Variants in BMPER observed in about 807,000 individuals in gnomAD.
The protein encoded by BMPER is BMP binding endothelial regulator.
A neutral mutation model predicts 87.3 loss-of-function variants in BMPER; 45 were observed. That is an observed-to-expected ratio of 0.52 (90% CI 0.41 to 0.66). BMPER has a LOEUF of 0.66. Among genes scored for constraint, BMPER ranks in the 30% least tolerant of loss-of-function variants. The pLI, the probability that BMPER is intolerant of heterozygous loss-of-function variation, is 0.00. For missense variants in BMPER, 784 were observed against 867.5 expected (o/e 0.90, Z 1.21); for synonymous variants, 326 against 316.2 (o/e 1.03, Z -0.33).
chr7:34,077,520 T>C (rs936959373), intron 11 of BMPER, among the ~76,000 whole-genome samples: 3 of 152,216 alleles, frequency 2.0e-5, no homozygotes, highest in African/African-American at 7.2e-5. Context: ...TCATTGAAAT[T>C]CTCATAAATG....
At chr7:33,951,675 C>T (rs1271234947) in intron 3 of BMPER, among the ~76,000 whole-genome samples, 1 of 152,034 alleles carries the variant, frequency 6.6e-6, no homozygotes, top group African/African-American at 2.4e-5. Flanking sequence ...ACTGGCTGCC[C>T]CCTGAATATA....
intron 6 of BMPER, among the ~76,000 whole-genome samples, chr7:33,982,500 GAAA>G (rs758951071): frequency 2.2e-5 from 3 of 134,648 alleles, no homozygotes; most frequent in African/African-American, 8.1e-5. Flanking sequence ...ACAGTCAATT[GAAA>G]AAAAAAAAAA....
intron 6 of BMPER, among the ~76,000 whole-genome samples, chr7:33,976,851 G>A (rs1222277518): frequency 6.6e-6 from 1 of 152,292 alleles, no homozygotes; most frequent in African/African-American, 2.4e-5. Context: ...TGTACTGCAG[G>A]CATTCTGATT....
At chr7:34,018,339 A>G (rs1787090494) in intron 6 of BMPER, among the ~76,000 whole-genome samples, 1 of 151,914 alleles carries the variant, frequency 6.6e-6, no homozygotes, top group South Asian at 2.1e-4. Context: ...CCTAAAGTAT[A>G]AAGAGAAGTT....
At chr7:34,112,803 T>C (rs1461226343) in intron 13 of BMPER, among the ~76,000 whole-genome samples, 2 of 151,990 alleles carry the variant, frequency 1.3e-5, no homozygotes, top group Admixed American at 1.3e-4. Flanking sequence ...CACCGAAGTT[T>C]TCATTGCTTT....
chr7:33,920,668 T>A, intron 2 of BMPER, among the ~76,000 whole-genome samples: 1 of 151,872 alleles, frequency 6.6e-6, no homozygotes, highest in Non-Finnish European at 1.5e-5. Context: ...TTGTGATCTG[T>A]CCACCTTGGC....
chr7:34,079,011 G>C lies in BMPER; in HGVS notation c.1233G>C (p.Arg411=), dbSNP rs1002676942. 7 of 1,614,094 alleles carry C rather than the reference G, an allele frequency of 4.3e-6. No homozygotes were observed. Among genetic ancestry groups the C allele is most frequent in the African/African-American group, 2.7e-5 (2 of 74,934 alleles). Residue 411 remains arginine (R), a synonymous_variant, in exon 12 of 15, where the codon CGG becomes CGC. Transcript: ENST00000649409. ...FQVLVKNDAR[R]TRSFSWTKSV... ...TGCTGGTGAAGAACGACGCCCGCCGGACACGCTCCTTCTCGTGGACCAAGT... is the reference window on the plus strand; with the variant it reads ...TGCTGGTGAAGAACGACGCCCGCCGCACACGCTCCTTCTCGTGGACCAAGT...
intron 12 of BMPER, among the ~76,000 whole-genome samples, chr7:34,080,252 G>A (rs750651129): frequency 1.3e-5 from 2 of 152,134 alleles, no homozygotes; most frequent in Non-Finnish European, 2.9e-5. Flanking sequence ...CTTTTCAGGG[G>A]CTATAGAGAC....
At position 33,909,087 on chromosome 7, in the gene BMPER, A is replaced by T. The variant is rs184728802; in HGVS notation, c.219+2184A>T. Among the ~76,000 whole-genome samples the T allele has an allele frequency of 1.2e-4, 19 of 152,322 alleles. No homozygotes were observed. In the East Asian group the frequency reaches 3.3e-3, roughly 26 times the overall value. ...ATAGCAATGGTAAACATTTATGTGT[A>T]CTATTTTTATTTTATTTTATTTTTG... On this transcript the variant is annotated intron_variant, in intron 2 of 14. Transcript: ENST00000649409.
chr7:34,085,974 C>G lies in BMPER; in HGVS notation c.1627C>G (p.Pro543Ala). Residue 543 changes from proline to alanine, a missense_variant, in exon 13 of 15, where the codon CCT (proline) becomes GCT (alanine). By Grantham distance (27) the Pro-to-Ala change is conservative. Coordinates refer to ENST00000649409, the MANE Select transcript of BMPER (RefSeq NM_001365308.1). ...FCNRPQRKPV[P>A]ELCQGTVKVK... ...CAACAGACCTCAGAGAAAGCCAGTG[C>G]CTGAACTGTGTCAAGGGACAGTCAA... 6.2e-7 allele frequency: 1 copy of G among 1,614,104 alleles called. No homozygotes were observed. The highest frequency in any genetic ancestry group is 1.1e-5 in the South Asian group (1 of 91,080).
At chr7:34,052,431 T>C (rs1788170848) in intron 8 of BMPER, among the ~76,000 whole-genome samples, 1 of 152,218 alleles carries the variant, frequency 6.6e-6, no homozygotes, top group African/African-American at 2.4e-5. Context: ...TCATGTCTTA[T>C]TTGAAGCTTT....
intron 11 of BMPER, among the ~76,000 whole-genome samples, chr7:34,074,637 C>T (rs2127971854): frequency 6.6e-6 from 1 of 152,258 alleles, no homozygotes; most frequent in Admixed American, 6.5e-5. Context: ...TGTTGGGCTT[C>T]CTCATGGTTA....
At chr7:34,089,158 T>G (rs1789304868) in intron 13 of BMPER, among the ~76,000 whole-genome samples, 1 of 152,128 alleles carries the variant, frequency 6.6e-6, no homozygotes, top group African/African-American at 2.4e-5. Flanking sequence ...TTTTGAGCCC[T>G]TACAAGACTC....
chr7:33,940,975 T>TTA (rs1325493208), intron 3 of BMPER, among the ~76,000 whole-genome samples: 1 of 135,438 alleles, frequency 7.4e-6, no homozygotes, highest in Non-Finnish European at 1.5e-5. Flanking sequence ...ATAATATAAT[T>TTA]TATATATATT....
intron 13 of BMPER, among the ~76,000 whole-genome samples, chr7:34,129,618 G>GAGAGAA (rs1790511499): frequency 2.5e-4 from 13 of 52,436 alleles, no homozygotes; most frequent in African/African-American, 1.0e-3. Context: ...GAAAGAGAGA[G>GAGAGAA]AGAGAGAAAG....
chr7:34,124,781 G>A (rs1411685977), intron 13 of BMPER, among the ~76,000 whole-genome samples: 1 of 151,592 alleles, frequency 6.6e-6, no homozygotes, highest in Non-Finnish European at 1.5e-5. Flanking sequence ...GAACAATTTT[G>A]GCTCTCTAAA....
At chr7:33,905,362 A>C, upstream of BMPER, 1 of 394,534 alleles carries the variant, frequency 2.5e-6, no homozygotes. Context: ...CCCTCAGGAA[A>C]AAAAAAAAAA....
intron 13 of BMPER, among the ~76,000 whole-genome samples, chr7:34,141,260 C>T (rs1790860180): frequency 6.6e-6 from 1 of 151,948 alleles, no homozygotes; most frequent in Non-Finnish European, 1.5e-5. Context: ...AATGCATTTG[C>T]TAGTGAAGGT....
At position 34,153,073 on chromosome 7, in the gene BMPER, G is replaced by T; in HGVS notation, c.1877-19G>T. 5 of 1,613,814 alleles carry T rather than the reference G, an allele frequency of 3.1e-6. No homozygotes were observed. Among genetic ancestry groups the T allele is most frequent in the Non-Finnish European group, 3.4e-6 (4 of 1,179,794 alleles). On this transcript the variant is annotated intron_variant, in intron 14 of 14. Coordinates refer to ENST00000649409, the MANE Select transcript of BMPER (RefSeq NM_001365308.1). ...GGGCCTTTCTCCATGTTATGCCTTT[G>T]TCTCCTTCTCTTTTTCAGCCACCCA...
Sources: allele counts gnomAD v4.1 joint callset (sites outside exome capture counted in the v4.1 genomes callset), GRCh38; gene constraint gnomAD v4.1.1; transcripts MANE v1.5; gene names NCBI Gene and HGNC (gene_info 2026-07-23, HGNC 2026-07-21).